FEM1C: variants seen among roughly 807,000 people sequenced by gnomAD.
FEM1C encodes fem-1 homolog C, also known as protein fem-1 homolog C.
In FEM1C, 15 loss-of-function variants were observed where a neutral mutation model predicts 37.6. That is an observed-to-expected ratio of 0.40 (90% confidence interval 0.27 to 0.61). The LOEUF is 0.61. Among genes scored for constraint, FEM1C ranks in the 20% least tolerant of loss-of-function variants. The pLI, the probability that FEM1C is intolerant of heterozygous loss-of-function variation, is 0.42. For missense variants in FEM1C, 532 were observed against 749.7 expected (o/e 0.71, Z 3.39); for synonymous variants, 287 against 272.8 (o/e 1.05, Z -0.51).
At chr5:115,526,028 CTTT>C (rs1007033943) in intron 2 of FEM1C, among the ~76,000 whole-genome samples, 1 of 146,872 alleles carries the variant, frequency 6.8e-6, no homozygotes, top group Non-Finnish European at 1.5e-5. Flanking sequence ...AGGAATTGGT[CTTT>C]TTTTTTTTCT....
At chr5:115,544,203 C>A (rs1250152455) in intron 1 of FEM1C, 1 of 984,156 alleles carries the variant, frequency 1.0e-6, no homozygotes, top group African/African-American at 1.7e-5. Context: ...ACTCACGGCT[C>A]TCAGGAAATC....
intron 2 of FEM1C, among the ~76,000 whole-genome samples, chr5:115,532,223 A>G (rs17472710): frequency 1.3e-5 from 2 of 152,066 alleles, no homozygotes; most frequent in African/African-American, 4.8e-5. Flanking sequence ...CTACTGCTTC[A>G]CAAATAAGTT....
chr5:115,531,111 G>A (rs1228710010), intron 2 of FEM1C, among the ~76,000 whole-genome samples: 4 of 151,890 alleles, frequency 2.6e-5, no homozygotes, highest in Non-Finnish European at 5.9e-5. Context: ...GAATTTAGTG[G>A]GAAAACATAA....
Position 115,524,070 on chromosome 5 carries a change from T to A in FEM1C, c.*238A>T, listed in dbSNP as rs922466722. The stretch of plus-strand genomic sequence containing the variant: ...GAATGAATAAGCCTTTGGCAGACAA[T>A]TTTAGAAATTTGAATGTTACATTTC... On this transcript the variant is annotated 3_prime_UTR_variant, in exon 3 of 3. Transcript: ENST00000274457. 1 of 426,992 alleles carries A rather than the reference T, an allele frequency of 2.3e-6. No individual in the cohort carries two copies. Among genetic ancestry groups the A allele is most frequent in the Admixed American group, 4.0e-5 (1 of 24,832 alleles). 26.5% of individuals were successfully genotyped at this position (426,992 alleles called of 1,614,324 possible).
In FEM1C at chr5:115,539,647, T is replaced by C. The variant is rs80178268; in HGVS notation, c.544+3303A>G. On this transcript the variant is annotated intron_variant, in intron 2 of 2. Coordinates refer to ENST00000274457, the MANE Select transcript of FEM1C (RefSeq NM_020177.3). Reference sequence around the variant, plus strand: ...TTTCCAAATATCTAATAGAAGAAAGTACTACTGTTGCACTTACCATACTGT... The same window carrying C: ...TTTCCAAATATCTAATAGAAGAAAGCACTACTGTTGCACTTACCATACTGT... 4.9e-3 allele frequency among the ~76,000 whole-genome samples: 749 copies of C among 152,234 alleles called. 5 individuals are homozygous for C. The highest frequency in any genetic ancestry group is 0.017 in the African/African-American group (704 of 41,562).
intron 2 of FEM1C, among the ~76,000 whole-genome samples, chr5:115,527,874 G>A (rs931319153): frequency 6.6e-6 from 1 of 151,780 alleles, no homozygotes; most frequent in South Asian, 2.1e-4. Flanking sequence ...GGTGGCACGC[G>A]CCTGTAGTCC....
intron 2 of FEM1C, among the ~76,000 whole-genome samples, chr5:115,536,267 T>C (rs1228585262): frequency 6.6e-6 from 1 of 152,020 alleles, no homozygotes; most frequent in African/African-American, 2.4e-5. Flanking sequence ...AAAAATATTA[T>C]ATTTTTGGTG....
rs1188421051 is a variant in FEM1C, at chr5:115,523,146, G to A, written c.*1162C>T. 2 of 152,414 alleles carry A rather than the reference G, an allele frequency of 1.3e-5. No individual in the cohort carries two copies. The highest frequency in any genetic ancestry group is 2.9e-5 in the Non-Finnish European group (2 of 67,952). 9.4% of individuals were successfully genotyped at this position (152,414 alleles called of 1,614,324 possible). On this transcript the variant is annotated 3_prime_UTR_variant, in exon 3 of 3. Coordinates refer to ENST00000274457, the MANE Select transcript of FEM1C (RefSeq NM_020177.3). The stretch of plus-strand genomic sequence containing the variant: ...CTTTAAAGGTATACATAAGCTTGAA[G>A]AAAGAAAGAACACTGTTACTGACCT...
intron 1 of FEM1C, chr5:115,544,023 G>C (rs1453410123): frequency 5.1e-6 from 5 of 985,296 alleles, no homozygotes; most frequent in Non-Finnish European, 6.0e-6. Context: ...AGAGGCAGGA[G>C]ACTCGGGTTC....
rs759988974 is a variant in FEM1C, at chr5:115,540,740, G to A, written c.544+2210C>T. Among the ~76,000 whole-genome samples, 10 of 151,882 alleles carry A rather than the reference G, an allele frequency of 6.6e-5. 1 individual carries two copies. Among genetic ancestry groups the A allele is most frequent in the African/African-American group, 1.2e-4 (5 of 41,388 alleles). ...ATAAAGAAGCTTTGGAAAATATAAC[G>A]GAAGTAATACCAGTTCTCATCTCTC... On this transcript the variant is annotated intron_variant, in intron 2 of 2. Transcript: ENST00000274457.
At chr5:115,539,170 G>A (rs1167915040) in intron 2 of FEM1C, among the ~76,000 whole-genome samples, 1 of 152,024 alleles carries the variant, frequency 6.6e-6, no homozygotes, top group Non-Finnish European at 1.5e-5. Context: ...AGGACAGAAT[G>A]TCTTCTAGAG....
Position 115,544,660 on chromosome 5 carries a change from G to GC in FEM1C, c.-329dup, listed in dbSNP as rs1384022493. 6.5e-6 allele frequency: 1 copy of GC among 153,610 alleles called. No homozygotes were observed. The highest frequency in any genetic ancestry group is 1.4e-5 in the Non-Finnish European group (1 of 69,168). The allele number at this position is 153,610 out of a possible 1,614,324, so 9.5% of individuals were successfully genotyped here. On this transcript the variant is annotated 5_prime_UTR_variant, in exon 1 of 3. Coordinates refer to ENST00000274457, the MANE Select transcript of FEM1C (RefSeq NM_020177.3). ...GCCGCACAGCTCCTCCATGCTCCGC[G>GC]CCCCAAAGGAATGAATCCGGCCGCG...
chr5:115,544,008 C>A, intron 1 of FEM1C: 7 of 985,400 alleles, frequency 7.1e-6, no homozygotes, highest in Non-Finnish European at 8.4e-6. Flanking sequence ...GAGAGTACAA[C>A]CGAAAGAGGC....
chr5:115,529,832 CTAAAA>C (rs1428584223), intron 2 of FEM1C, among the ~76,000 whole-genome samples: 1 of 151,664 alleles, frequency 6.6e-6, no homozygotes. Flanking sequence ...AGAATAACTA[CTAAAA>C]TAATAGAGGG....
At chr5:115,529,855 A>G (rs1482799436) in intron 2 of FEM1C, among the ~76,000 whole-genome samples, 1 of 152,048 alleles carries the variant, frequency 6.6e-6, no homozygotes, top group Admixed American at 6.6e-5. Context: ...GGGTATGCAC[A>G]TAACTACATT....
In FEM1C at chr5:115,525,126, C is replaced by T; in HGVS notation, c.1036G>A (p.Ala346Thr). The T allele has an allele frequency of 1.2e-6, 2 of 1,613,734 alleles. No homozygotes were observed. The highest frequency in any genetic ancestry group is 8.5e-7 in the Non-Finnish European group (1 of 1,179,832). The change falls in exon 3 of 3, where the codon GCT becomes ACT. Residue 346 changes from alanine (A) to threonine (T), a missense_variant. Physicochemically the swap from Ala to Thr is moderately conservative, Grantham distance 58. Coordinates refer to ENST00000274457, the MANE Select transcript of FEM1C (RefSeq NM_020177.3). ...AAATTTCCAGAGTCTGCATAGACAG[C>T]GCCTCTATATCTAATATAGTAAGAG... ...DTSYYIRYRGAVYADSGNFKR... is the reference protein window; with the variant it reads ...DTSYYIRYRGTVYADSGNFKR...
chr5:115,527,782 T>C (rs1753926035), intron 2 of FEM1C, among the ~76,000 whole-genome samples: 1 of 151,812 alleles, frequency 6.6e-6, no homozygotes, highest in Non-Finnish European at 1.5e-5. Flanking sequence ...GTGGGCAGAT[T>C]ATGAAGTCAA....
At position 115,524,817 on chromosome 5, in the gene FEM1C, T is replaced by G; in HGVS notation, c.1345A>C (p.Ile449Leu). The change falls in exon 3 of 3, where the codon ATT (isoleucine) becomes CTT (leucine). Residue 449 changes from isoleucine to leucine, a missense_variant. Ile to Leu is a conservative substitution (Grantham distance 5). Transcript: ENST00000274457. ...CAAGGAACTTTCTCTAACAAGCAAA[T>G]TAAGTGCAAAATAATAGAAAGGGCC... ...NKALSIILHL[I>L]CLLEKVPCTL... The G allele has an allele frequency of 6.2e-7, 1 of 1,605,732 alleles. No homozygotes were observed. The highest frequency in any genetic ancestry group is 1.7e-5 in the Admixed American group (1 of 58,622).
At chr5:115,528,953 G>A (rs1028467381) in intron 2 of FEM1C, among the ~76,000 whole-genome samples, 3 of 152,044 alleles carry the variant, frequency 2.0e-5, no homozygotes, top group African/African-American at 7.2e-5. Flanking sequence ...ACACACAGCT[G>A]AATAGAGAAT....
Sources: allele counts gnomAD v4.1 joint callset (sites outside exome capture counted in the v4.1 genomes callset), GRCh38; gene constraint gnomAD v4.1.1; transcripts MANE v1.5; gene names NCBI Gene and HGNC (gene_info 2026-07-23, HGNC 2026-07-21).